OPRM1: variants seen among roughly 807,000 people sequenced by gnomAD.
OPRM1 encodes the protein opioid receptor mu 1.
In OPRM1, 27 loss-of-function variants were observed where a neutral mutation model predicts 31.8. The observed-to-expected ratio is 0.85, with a 90% CI of 0.63 to 1.17. The LOEUF is 1.17. Among genes scored for constraint, OPRM1 ranks in the 50% most tolerant of loss-of-function variants. OPRM1 has a pLI of 0.00. For synonymous variants in OPRM1, 196 were observed against 189.9 expected (o/e 1.03, Z -0.26); for missense variants, 536 against 511.1 (o/e 1.05, Z -0.47).
At chr6:154,155,972 T>G (rs1010524933) in intron 3 of OPRM1, 1 of 152,194 alleles carries the variant, frequency 6.6e-6, no homozygotes, top group African/African-American at 2.4e-5. Flanking sequence ...TGAAAAGCAA[T>G]TAAGAGAAGA....
chr6:154,181,524 T>C (rs1800869007), intron 3 of OPRM1, among the ~76,000 whole-genome samples: 1 of 152,234 alleles, frequency 6.6e-6, no homozygotes, highest in African/African-American at 2.4e-5. Context: ...ATTTGATGCG[T>C]TCTTTTGAAT....
chr6:154,214,267 A>T (rs1400492746), intron 3 of OPRM1: 1 of 1,608,564 alleles, frequency 6.2e-7, no homozygotes, highest in East Asian at 2.2e-5. Flanking sequence ...ATCCAAGTTT[A>T]TTTAACCACC....
At chr6:154,113,026 C>A (rs1228386410) in intron 3 of OPRM1, among the ~76,000 whole-genome samples, 1 of 152,190 alleles carries the variant, frequency 6.6e-6, no homozygotes, top group African/African-American at 2.4e-5. Context: ...ATGGATTGCT[C>A]CACCATACCG....
At chr6:154,210,717 G>C (rs1465535965) in intron 3 of OPRM1, among the ~76,000 whole-genome samples, 1 of 152,170 alleles carries the variant, frequency 6.6e-6, no homozygotes, top group African/African-American at 2.4e-5. Flanking sequence ...AATATAGTAA[G>C]AAAGAATAAT....
At chr6:154,096,066 G>A (rs1793325128) in intron 3 of OPRM1, among the ~76,000 whole-genome samples, 1 of 151,932 alleles carries the variant, frequency 6.6e-6, no homozygotes, top group South Asian at 2.1e-4. Context: ...TTTGTTTTTT[G>A]ATTTTTAGTT....
At chr6:154,034,926 C>A (rs1159336537), upstream of OPRM1, among the ~76,000 whole-genome samples, 1 of 152,114 alleles carries the variant, frequency 6.6e-6, no homozygotes, top group Non-Finnish European at 1.5e-5. Flanking sequence ...TACCTTCAGG[C>A]CCTTAAAAGA....
At chr6:154,086,820 G>T (rs1251680582) in intron 1 of OPRM1, 1 of 985,174 alleles carries the variant, frequency 1.0e-6, no homozygotes, top group East Asian at 1.1e-4. Flanking sequence ...GATCATGCAG[G>T]TCTATAACCA....
chr6:154,077,323 C>G (rs562016172), intron 1 of OPRM1, among the ~76,000 whole-genome samples: 1 of 151,936 alleles, frequency 6.6e-6, no homozygotes, highest in East Asian at 2.0e-4. Context: ...TCACCATGCT[C>G]GCCAGGCTGG....
chr6:154,243,718 C>T (rs1467188088), intron 3 of OPRM1, among the ~76,000 whole-genome samples: 2 of 152,090 alleles, frequency 1.3e-5, no homozygotes, highest in African/African-American at 2.4e-5. Flanking sequence ...GAGAGGGAGT[C>T]GGATTGGCAT....
chr6:154,094,375 T>A, intron 3 of OPRM1: 1 of 473,226 alleles, frequency 2.1e-6, no homozygotes. Context: ...AGAGTCATAC[T>A]TACACAGTTA....
chr6:154,113,934 G>C (rs1796597900), intron 3 of OPRM1, among the ~76,000 whole-genome samples: 1 of 152,156 alleles, frequency 6.6e-6, no homozygotes. Context: ...GAAGTGGCGA[G>C]TGGTGCCAGG....
intron 3 of OPRM1, chr6:154,155,991 G>C (rs897612259): frequency 4.6e-5 from 7 of 152,114 alleles, no homozygotes; most frequent in African/African-American, 1.4e-4. Flanking sequence ...GAAGGTCAAA[G>C]GACCAACCTC....
rs1797420408 is a variant in OPRM1, at chr6:154,123,624, T to C, written c.*4903T>C. Among the ~76,000 whole-genome samples the C allele has an allele frequency of 6.6e-6, 1 of 152,236 alleles. No homozygotes were observed. The highest frequency in any genetic ancestry group is 2.4e-5 in the African/African-American group (1 of 41,466). On this transcript the variant is annotated 3_prime_UTR_variant, in exon 4 of 4. Transcript: ENST00000330432. ...TATTTTTGTGGTTATTTCTTGATTA[T>C]ATGCTAAACAAGGGGTGGATTATTC...
At chr6:154,194,128 G>C (rs576069347) in intron 3 of OPRM1, among the ~76,000 whole-genome samples, 3 of 152,176 alleles carry the variant, frequency 2.0e-5, no homozygotes, top group African/African-American at 7.2e-5. Context: ...CTAAAATCAC[G>C]GTGGCTCATG....
intron 3 of OPRM1, among the ~76,000 whole-genome samples, chr6:154,242,072 A>G (rs377207680): frequency 3.9e-5 from 6 of 152,228 alleles, no homozygotes; most frequent in Non-Finnish European, 5.9e-5. Context: ...AATAAAATCT[A>G]TCTTGCTCGG....
intron 3 of OPRM1, among the ~76,000 whole-genome samples, chr6:154,118,433 T>C (rs1343264340): frequency 1.3e-5 from 2 of 152,202 alleles, no homozygotes; most frequent in African/African-American, 4.8e-5. Flanking sequence ...AATCTCTCTA[T>C]AATGACTAGT....
At chr6:154,149,984 C>T (rs1244243360) in intron 3 of OPRM1, among the ~76,000 whole-genome samples, 9 of 152,228 alleles carry the variant, frequency 5.9e-5, no homozygotes, top group Admixed American at 1.3e-4. Flanking sequence ...CTCACCAGCA[C>T]GTCCCAATTG....
At chr6:154,149,619 TGC>T (rs1554284660) in intron 3 of OPRM1, among the ~76,000 whole-genome samples, 4 of 136,822 alleles carry the variant, frequency 2.9e-5, no homozygotes, top group Admixed American at 7.0e-5. Flanking sequence ...TGTGTGTGTG[TGC>T]GCGCGTGTGT....
chr6:154,172,403 A>G (rs1382801031), intron 3 of OPRM1, among the ~76,000 whole-genome samples: 2 of 152,182 alleles, frequency 1.3e-5, no homozygotes, highest in Non-Finnish European at 2.9e-5. Context: ...AGCCATGAGT[A>G]ACCGTACCTG....
Sources: allele counts gnomAD v4.1 joint callset (sites outside exome capture counted in the v4.1 genomes callset), GRCh38; gene constraint gnomAD v4.1.1; transcripts MANE v1.5; gene names NCBI Gene and HGNC (gene_info 2026-07-23, HGNC 2026-07-21).